Variants in PPCDC observed in about 807,000 individuals in gnomAD.
The protein encoded by PPCDC is phosphopantothenoylcysteine decarboxylase.
PPCDC carries 20 observed loss-of-function variants against 20.7 expected under a neutral mutation model. That is an observed-to-expected ratio of 0.97 (90% confidence interval 0.68 to 1.41). The LOEUF (loss-of-function observed/expected upper bound fraction) is 1.41, where lower values mean the gene tolerates loss of function less well. Ranked by LOEUF, PPCDC falls within the 40% of genes most tolerant of loss-of-function variation. PPCDC has a pLI of 0.00. For synonymous variants in PPCDC, 88 were observed against 100.3 expected (o/e 0.88, Z 0.73); for missense variants, 246 against 263.8 (o/e 0.93, Z 0.47).
chr15:75,048,573 G>A lies in PPCDC; in HGVS notation c.381G>A (p.Trp127Ter). 2 of 1,614,114 alleles carry A rather than the reference G, an allele frequency of 1.2e-6. No homozygotes were observed. Among genetic ancestry groups the A allele is most frequent in the Non-Finnish European group, 1.7e-6 (2 of 1,179,978 alleles). The part of the protein sequence containing the change: ...DNLLTCVMRA[W>*]DRSKPLLFCP... ...CACAGACCTGCGTCATGCGGGCCTG[G>A]GACCGCAGCAAGCCCCTGCTCTTCT... The change falls in exon 5 of 6, where the codon TGG (tryptophan) becomes TGA (stop). Residue 127 changes from tryptophan (W) to a stop codon, truncating the protein, a stop_gained. Coordinates refer to ENST00000342932, the MANE Select transcript of PPCDC (RefSeq NM_021823.5). LOFTEE classifies it high-confidence loss of function.
chr15:75,028,343 G>T lies in PPCDC; in HGVS notation c.25G>T (p.Ala9Ser), dbSNP rs773707254. The change falls in exon 2 of 6, where the codon GCT (alanine) becomes TCT (serine). Residue 9 changes from alanine to serine, a missense_variant. Ala to Ser is a moderately conservative substitution (Grantham distance 99). Around this residue, in one of 2 missense-constraint regions of PPCDC, gnomAD observed 225 missense variants for 222.6 expected, o/e 1.01. Coordinates refer to ENST00000342932, the MANE Select transcript of PPCDC (RefSeq NM_021823.5). ...CATGGAACCAAAGGCCTCCTGTCCA[G>T]CTGCTGCACCCTTGATGGAGAGAAA... MEPKASCP[A>S]AAPLMERKFH... 6.2e-7 allele frequency: 1 copy of T among 1,614,162 alleles called. No homozygotes were observed. The highest frequency in any genetic ancestry group is 1.1e-5 in the South Asian group (1 of 91,076).
intron 2 of PPCDC, among the ~76,000 whole-genome samples, chr15:75,041,749 C>T (rs1188395300): frequency 6.6e-6 from 1 of 152,222 alleles, no homozygotes; most frequent in Admixed American, 6.5e-5. Context: ...GAACTCAGAA[C>T]GCCAGACTTT....
At chr15:75,024,388 C>T (rs1042730369) in intron 1 of PPCDC, among the ~76,000 whole-genome samples, 2 of 152,092 alleles carry the variant, frequency 1.3e-5, no homozygotes, top group African/African-American at 2.4e-5. Context: ...CATTCTGTGA[C>T]CCAGGCTGGA....
intron 2 of PPCDC, among the ~76,000 whole-genome samples, chr15:75,030,798 G>T (rs1174524267): frequency 6.6e-6 from 1 of 152,200 alleles, no homozygotes; most frequent in Non-Finnish European, 1.5e-5. Context: ...GGTGTGGGCT[G>T]CAGGGAGCTG....
intron 2 of PPCDC, among the ~76,000 whole-genome samples, chr15:75,038,238 C>T (rs1218612012): frequency 6.6e-6 from 1 of 152,196 alleles, no homozygotes; most frequent in Admixed American, 6.5e-5. Flanking sequence ...TTTCTCACCC[C>T]TTGCTCTGCT....
At chr15:75,026,610 G>A (rs566959732) in intron 1 of PPCDC, among the ~76,000 whole-genome samples, 265 of 152,350 alleles carry the variant, frequency 1.7e-3, no homozygotes, top group African/African-American at 6.2e-3. Flanking sequence ...GAGCCAAGGG[G>A]CCTGTGAGTG....
chr15:75,038,418 A>C lies in PPCDC; in HGVS notation c.136-5023A>C, dbSNP rs557382601. Among the ~76,000 whole-genome samples, 16 of 152,226 alleles carry C rather than the reference A, an allele frequency of 1.1e-4. No individual in the cohort carries two copies. The South Asian group carries it at 2.9e-3, about 28-fold the overall frequency. ...TGTAGGCTGAGCAAACAGCAGACCAACTCTGGTGAGGGGAAGTTTACCAGG... is the reference window on the plus strand; with the variant it reads ...TGTAGGCTGAGCAAACAGCAGACCACCTCTGGTGAGGGGAAGTTTACCAGG... On this transcript the variant is annotated intron_variant, in intron 2 of 5. Coordinates refer to ENST00000342932, the MANE Select transcript of PPCDC (RefSeq NM_021823.5).
At position 75,040,061 on chromosome 15, in the gene PPCDC, G is replaced by A. The variant is rs574288523; in HGVS notation, c.136-3380G>A. On this transcript the variant is annotated intron_variant, in intron 2 of 5. Transcript: ENST00000342932. ...AGCCTCCCAAAGTGGGATTACAGGC[G>A]TGAGACACCATGCCCAGCCGTTCTC... Among the ~76,000 whole-genome samples, 112 of 152,236 alleles carry A rather than the reference G, an allele frequency of 7.4e-4. 1 individual carries two copies. The South Asian group carries it at 0.012, about 16-fold the overall frequency.
At chr15:75,024,351 A>G (rs28481829) in intron 1 of PPCDC, among the ~76,000 whole-genome samples, 66 of 152,034 alleles carry the variant, frequency 4.3e-4, no homozygotes, top group African/African-American at 1.4e-3. Flanking sequence ...GGATTGCTGT[A>G]TACTTTTTTT....
At chr15:75,042,605 A>C (rs1233233414) in intron 2 of PPCDC, among the ~76,000 whole-genome samples, 1 of 150,244 alleles carries the variant, frequency 6.7e-6, no homozygotes, top group Non-Finnish European at 1.5e-5. Context: ...GTGAGCCGAG[A>C]TCATACCACT....
intron 2 of PPCDC, among the ~76,000 whole-genome samples, chr15:75,041,288 T>C (rs1324394804): frequency 6.6e-6 from 1 of 152,208 alleles, no homozygotes; most frequent in Non-Finnish European, 1.5e-5. Flanking sequence ...GCAAGGCTTA[T>C]TCAGGGCCAT....
intron 1 of PPCDC, among the ~76,000 whole-genome samples, 163 bp downstream of exon 1, chr15:75,023,789 G>C (rs1399917165): frequency 6.6e-6 from 1 of 152,156 alleles, no homozygotes; most frequent in Admixed American, 6.5e-5. Flanking sequence ...GTGGGTAGGC[G>C]GCCGTCCATC....
rs71140130 is a variant in PPCDC, at chr15:75,024,910, C to CTT, written c.-73+1295_-73+1296dup. 3.9e-4 allele frequency among the ~76,000 whole-genome samples: 58 copies of CTT among 147,564 alleles called. No homozygotes were observed. The East Asian group carries it at 4.2e-3, about 11-fold the overall frequency. Reference sequence around the variant, plus strand: ...TAAATGCTATGTAAATAGCTACACACTTTTTTTTTTTTGTGGTACTATTAT... The same window carrying CTT: ...TAAATGCTATGTAAATAGCTACACACTTTTTTTTTTTTTTGTGGTACTATTAT... On this transcript the variant is annotated intron_variant, in intron 1 of 5. Coordinates refer to ENST00000342932, the MANE Select transcript of PPCDC (RefSeq NM_021823.5).
chr15:75,031,433 C>G (rs1258943346), intron 2 of PPCDC, among the ~76,000 whole-genome samples: 1 of 152,108 alleles, frequency 6.6e-6, no homozygotes, highest in Non-Finnish European at 1.5e-5. Context: ...GACTTATAAA[C>G]AAAATTAACA....
At chr15:75,037,401 T>G (rs978636813) in intron 2 of PPCDC, among the ~76,000 whole-genome samples, 1 of 152,048 alleles carries the variant, frequency 6.6e-6, no homozygotes, top group Admixed American at 6.6e-5. Context: ...AGAAGAACAA[T>G]GAAGCAGTGT....
chr15:75,023,676 A>AG (rs1331403066), intron 1 of PPCDC, 50 bp downstream of exon 1: 1 of 151,942 alleles, frequency 6.6e-6, no homozygotes, highest in Non-Finnish European at 1.5e-5. Flanking sequence ...GCGGCGCGGG[A>AG]GGGGAGGTTC....
chr15:75,047,260 A>G (rs1342208811), intron 4 of PPCDC, among the ~76,000 whole-genome samples: 1 of 152,224 alleles, frequency 6.6e-6, no homozygotes, highest in Non-Finnish European at 1.5e-5. Context: ...GCATGGAGCC[A>G]AGAGGAAGTG....
At chr15:75,029,557 A>G (rs1331947277) in intron 2 of PPCDC, among the ~76,000 whole-genome samples, 1 of 152,144 alleles carries the variant, frequency 6.6e-6, no homozygotes, top group Non-Finnish European at 1.5e-5. Flanking sequence ...ACTTCCACCC[A>G]GAAAGTCACC....
At chr15:75,046,972 A>G (rs1595914596) in intron 4 of PPCDC, among the ~76,000 whole-genome samples, 1 of 152,238 alleles carries the variant, frequency 6.6e-6, no homozygotes, top group African/African-American at 2.4e-5. Context: ...TCCCCTGCCC[A>G]TGTGAATTCC....
Sources: gnomAD v4.1 joint callset for allele counts (sites outside exome capture counted in the v4.1 genomes callset) on GRCh38, gnomAD v4.1.1 for gene constraint, gnomAD v4.1.1 regional missense constraint, MANE v1.5 for transcripts, NCBI Gene and HGNC (gene_info 2026-07-23, HGNC 2026-07-21) for gene names.